VPS13B: variants seen among roughly 807,000 people sequenced by gnomAD.
The protein encoded by VPS13B is intermembrane lipid transfer protein VPS13B.
In VPS13B, 285 loss-of-function variants were observed where a neutral mutation model predicts 426.4. That is an observed-to-expected ratio of 0.67 (90% CI 0.61 to 0.74). The LOEUF (loss-of-function observed/expected upper bound fraction) is 0.74. VPS13B is among the 30% of genes least tolerant of loss of function. The pLI, the probability that VPS13B is intolerant of heterozygous loss-of-function variation, is 0.00. For synonymous variants in VPS13B, 1,676 were observed against 1,676.4 expected, an observed-to-expected ratio of 1.00 and a Z score of 0.01; for missense variants, 4,537 against 4,782.6, an observed-to-expected ratio of 0.95 and a Z score of 1.51.
chr8:99,634,320 T>G (rs1466515076), intron 33 of VPS13B, among the ~76,000 whole-genome samples: 2 of 152,040 alleles, frequency 1.3e-5, no homozygotes, highest in African/African-American at 4.8e-5. Flanking sequence ...ATTTACAACT[T>G]AAATTAGAAC....
At chr8:99,556,236 A>G (rs551704333) in intron 30 of VPS13B, among the ~76,000 whole-genome samples, 1 of 152,170 alleles carries the variant, frequency 6.6e-6, no homozygotes, top group Non-Finnish European at 1.5e-5. Context: ...ATTATAGTGT[A>G]GATTACTGTA....
chr8:99,454,982 G>T (rs1406753342), intron 23 of VPS13B, among the ~76,000 whole-genome samples: 1 of 152,138 alleles, frequency 6.6e-6, no homozygotes, highest in Non-Finnish European at 1.5e-5. Context: ...TTTTTAAATT[G>T]TTGAGTTTTC....
At chr8:99,348,074 A>G (rs1384448540) in intron 19 of VPS13B, 1 of 152,252 alleles carries the variant, frequency 6.6e-6, no homozygotes, top group East Asian at 1.9e-4. Flanking sequence ...TACTCTGTTC[A>G]GTTGCCTGGG....
intron 19 of VPS13B, among the ~76,000 whole-genome samples, chr8:99,349,944 T>A (rs1430349335): frequency 6.6e-6 from 1 of 152,138 alleles, no homozygotes; most frequent in African/African-American, 2.4e-5. Flanking sequence ...ATAGAGCATA[T>A]GAGTGGGAAG....
intron 19 of VPS13B, among the ~76,000 whole-genome samples, chr8:99,367,243 A>T (rs1057397634): frequency 6.6e-6 from 1 of 152,144 alleles, no homozygotes; most frequent in Admixed American, 6.5e-5. Flanking sequence ...TTTCTCCTTC[A>T]TGTTTGAATG....
chr8:99,660,075 A>G (rs368252952), intron 34 of VPS13B, among the ~76,000 whole-genome samples: 7 of 152,226 alleles, frequency 4.6e-5, no homozygotes, highest in East Asian at 3.8e-4. Flanking sequence ...TGGATCTACT[A>G]TGCATATTCT....
At chr8:99,801,799 G>A (rs1813137900) in intron 43 of VPS13B, among the ~76,000 whole-genome samples, 1 of 152,118 alleles carries the variant, frequency 6.6e-6, no homozygotes, top group Non-Finnish European at 1.5e-5. Flanking sequence ...CCTACCATGT[G>A]TAGTACAGTT....
chr8:99,180,242 G>A (rs1812872639), intron 16 of VPS13B, among the ~76,000 whole-genome samples: 1 of 152,034 alleles, frequency 6.6e-6, no homozygotes, highest in Admixed American at 6.5e-5. Flanking sequence ...TCCATATTCC[G>A]TAATACTAGC....
chr8:99,086,040 A>G lies in VPS13B; in HGVS notation c.292-10272A>G, dbSNP rs543821150. On this transcript the variant is annotated intron_variant, in intron 3 of 61. Coordinates refer to ENST00000357162, the MANE Select transcript of VPS13B (RefSeq NM_152564.5). ...GATTGGGGAAGTTCTCCTGTATAAT[A>G]TCCTGCAGAGTGTTTTCCAACTTGT... is the stretch of plus-strand genomic sequence containing the variant. Among the ~76,000 whole-genome samples the G allele has an allele frequency of 6.6e-5, 10 of 152,334 alleles. No individual in the cohort carries two copies. The South Asian group carries it at 1.4e-3, about 22-fold the overall frequency.
chr8:99,095,123 G>C lies in VPS13B; in HGVS notation c.292-1189G>C, dbSNP rs1045065828. Among the ~76,000 whole-genome samples, 4 of 152,034 alleles carry C rather than the reference G, an allele frequency of 2.6e-5. No individual in the cohort carries two copies. In the South Asian group the frequency reaches 8.3e-4, roughly 32 times the overall value. On this transcript the variant is annotated intron_variant, in intron 3 of 61. Coordinates refer to ENST00000357162, the MANE Select transcript of VPS13B (RefSeq NM_152564.5). ...ATTCACTCTGAGCTACTCATTTACT[G>C]CTCCCACTTCTCTCCCTCTGTGGGA...
intron 15 of VPS13B, among the ~76,000 whole-genome samples, chr8:99,168,245 G>T (rs2132658501): frequency 6.6e-6 from 1 of 152,166 alleles, no homozygotes; most frequent in Admixed American, 6.5e-5. Flanking sequence ...CAACACAAAA[G>T]TATAATAAAG....
intron 17 of VPS13B, among the ~76,000 whole-genome samples, chr8:99,198,274 T>C (rs1194287505): frequency 2.0e-5 from 3 of 152,152 alleles, no homozygotes; most frequent in African/African-American, 7.2e-5. Context: ...ATTTGTTTAT[T>C]TGCTAAATTT....
chr8:99,490,160 A>G (rs1328310054), intron 25 of VPS13B, among the ~76,000 whole-genome samples: 1 of 152,138 alleles, frequency 6.6e-6, no homozygotes, highest in African/African-American at 2.4e-5. Flanking sequence ...TGAGATACTC[A>G]TGTGGTTTTT....
chr8:99,609,276 A>G (rs993554785), intron 33 of VPS13B, among the ~76,000 whole-genome samples: 1 of 152,208 alleles, frequency 6.6e-6, no homozygotes, highest in African/African-American at 2.4e-5. Flanking sequence ...CCAAAAGTTT[A>G]TACATTTTAT....
intron 44 of VPS13B, among the ~76,000 whole-genome samples, chr8:99,810,537 C>G (rs957462065): frequency 6.6e-5 from 10 of 152,298 alleles, no homozygotes; most frequent in Admixed American, 4.6e-4. Flanking sequence ...ACTTGGTGAT[C>G]TTATTATTGT....
In VPS13B at chr8:99,717,386, T is replaced by G; in HGVS notation, c.6657+13T>G. 1 of 1,611,258 alleles carries G rather than the reference T, an allele frequency of 6.2e-7. No individual in the cohort carries two copies. Among genetic ancestry groups the G allele is most frequent in the Non-Finnish European group, 8.5e-7 (1 of 1,177,570 alleles). On this transcript the variant is annotated intron_variant, in intron 37 of 61. Transcript: ENST00000357162. ...AGGTCTACTACAGGTCTGTGGGTAT[T>G]GGCCATATTTTTTTCATAGGTTATT...
chr8:99,238,705 A>C (rs1413277195), intron 17 of VPS13B, among the ~76,000 whole-genome samples: 1 of 152,170 alleles, frequency 6.6e-6, no homozygotes, highest in Admixed American at 6.5e-5. Context: ...CACTAAGAGA[A>C]AAACTGTGTC....
intron 25 of VPS13B, among the ~76,000 whole-genome samples, chr8:99,498,877 C>A (rs1290050104): frequency 6.6e-6 from 1 of 152,104 alleles, no homozygotes; most frequent in Non-Finnish European, 1.5e-5. Flanking sequence ...CCACTTGTTA[C>A]TGTTGACTTA....
chr8:99,429,404 C>T (rs1004477771), intron 21 of VPS13B, among the ~76,000 whole-genome samples: 1 of 150,062 alleles, frequency 6.7e-6, no homozygotes, highest in South Asian at 2.1e-4. Context: ...AAGTTACTAG[C>T]CAAATAACTT....
Sources: allele counts gnomAD v4.1 joint callset (sites outside exome capture counted in the v4.1 genomes callset), GRCh38; gene constraint gnomAD v4.1.1; transcripts MANE v1.5; gene names NCBI Gene and HGNC (gene_info 2026-07-23, HGNC 2026-07-21).